Variants in ST6GALNAC3 observed in about 807,000 individuals in gnomAD.
ST6GALNAC3 encodes alpha-N-acetylgalactosaminide alpha-2,6-sialyltransferase 3.
In ST6GALNAC3, 25 loss-of-function variants were observed where a neutral mutation model predicts 32.7. That is an observed-to-expected ratio of 0.76 (90% CI 0.56 to 1.07). ST6GALNAC3 has a LOEUF of 1.07. Ranked by LOEUF, ST6GALNAC3 falls within the 50% of genes least tolerant of loss-of-function variation. The pLI, the probability that ST6GALNAC3 is intolerant of heterozygous loss-of-function variation, is 0.00. For synonymous variants in ST6GALNAC3, 129 were observed against 133.1 expected, an observed-to-expected ratio of 0.97 and a Z score of 0.21; for missense variants, 355 against 382.4, an observed-to-expected ratio of 0.93 and a Z score of 0.60.
chr1:76,625,776 A>C (rs1441777444), intron 3 of ST6GALNAC3, among the ~76,000 whole-genome samples: 1 of 151,838 alleles, frequency 6.6e-6, no homozygotes, highest in African/African-American at 2.4e-5. Flanking sequence ...TTCATTTTGC[A>C]TCTATTGCTG....
At chr1:76,345,326 G>T (rs1032950959) in intron 2 of ST6GALNAC3, among the ~76,000 whole-genome samples, 9 of 152,152 alleles carry the variant, frequency 5.9e-5, no homozygotes, top group Non-Finnish European at 8.8e-5. Context: ...AGGAAGAAAA[G>T]AGAAATCAAG....
intron 1 of ST6GALNAC3, among the ~76,000 whole-genome samples, chr1:76,090,355 A>G (rs778820362): frequency 5.9e-5 from 9 of 152,366 alleles, no homozygotes; most frequent in Non-Finnish European, 1.2e-4. Flanking sequence ...AGTCTCACTG[A>G]TAAGCAGATA....
At chr1:76,572,329 G>C (rs937313600) in intron 3 of ST6GALNAC3, among the ~76,000 whole-genome samples, 3 of 152,040 alleles carry the variant, frequency 2.0e-5, no homozygotes, top group Non-Finnish European at 2.9e-5. Context: ...GACATATTAA[G>C]TGCTATTAAA....
intron 2 of ST6GALNAC3, among the ~76,000 whole-genome samples, chr1:76,322,388 AAAATTGGGGTTCACC>A (rs1381433894): frequency 6.6e-6 from 1 of 152,228 alleles, no homozygotes; most frequent in East Asian, 1.9e-4. Flanking sequence ...AAGAAGTGTT[AAAATTGGGGTTCACC>A]AAAGAAGAGA....
intron 2 of ST6GALNAC3, among the ~76,000 whole-genome samples, chr1:76,332,457 A>T (rs1298408557): frequency 6.6e-6 from 1 of 152,172 alleles, no homozygotes. Context: ...TCAGATTGAG[A>T]TAAGGTACTA....
intron 1 of ST6GALNAC3, among the ~76,000 whole-genome samples, chr1:76,132,203 A>G (rs575656012): frequency 1.3e-5 from 2 of 152,250 alleles, no homozygotes; most frequent in African/African-American, 2.4e-5. Flanking sequence ...CCCTACCCCA[A>G]TCATTCTTTT....
At chr1:76,245,051 T>G (rs560582229) in intron 1 of ST6GALNAC3, among the ~76,000 whole-genome samples, 1 of 152,330 alleles carries the variant, frequency 6.6e-6, no homozygotes, top group East Asian at 1.9e-4. Flanking sequence ...CCTCTGTGGA[T>G]CCATCTGGTC....
chr1:76,357,637 G>C lies in ST6GALNAC3; in HGVS notation c.213+43638G>C, dbSNP rs535728568. Among the ~76,000 whole-genome samples, 4 of 152,242 alleles carry C rather than the reference G, an allele frequency of 2.6e-5. No individual in the cohort carries two copies. In the East Asian group the frequency reaches 7.7e-4, roughly 29 times the overall value. ...ATAACAAACTCTTTTCTGGCATCTG[G>C]TATTATATTTACTATATGTGTGTGC... On this transcript the variant is annotated intron_variant, in intron 2 of 4. Coordinates refer to ENST00000328299, the MANE Select transcript of ST6GALNAC3 (RefSeq NM_152996.4).
chr1:76,568,450 G>T (rs1481721184), intron 3 of ST6GALNAC3, among the ~76,000 whole-genome samples: 1 of 152,122 alleles, frequency 6.6e-6, no homozygotes, highest in East Asian at 1.9e-4. Flanking sequence ...TATGCACTTT[G>T]TTCCTGGCAC....
At chr1:76,312,498 T>C (rs183640844) in intron 1 of ST6GALNAC3, among the ~76,000 whole-genome samples, 3 of 151,942 alleles carry the variant, frequency 2.0e-5, no homozygotes, top group East Asian at 3.9e-4. Flanking sequence ...ACCTACAGAA[T>C]GGTAGAAAAT....
chr1:76,247,277 G>A (rs1657320537), intron 1 of ST6GALNAC3, among the ~76,000 whole-genome samples: 1 of 152,170 alleles, frequency 6.6e-6, no homozygotes, highest in Admixed American at 6.5e-5. Context: ...GAGACACAGG[G>A]GTCAGGGACC....
chr1:76,320,824 G>A (rs1337607996), intron 2 of ST6GALNAC3, among the ~76,000 whole-genome samples: 2 of 151,914 alleles, frequency 1.3e-5, no homozygotes, highest in African/African-American at 4.8e-5. Context: ...CATGCATGCA[G>A]CATATACATG....
At chr1:76,529,807 A>C (rs751742489) in intron 3 of ST6GALNAC3, among the ~76,000 whole-genome samples, 8 of 152,192 alleles carry the variant, frequency 5.3e-5, no homozygotes, top group Non-Finnish European at 1.2e-4. Context: ...TAGTTCTGTG[A>C]CTTTGGGCAA....
chr1:76,100,365 T>G (rs977721396), intron 1 of ST6GALNAC3, among the ~76,000 whole-genome samples: 3 of 152,172 alleles, frequency 2.0e-5, no homozygotes, highest in Non-Finnish European at 4.4e-5. Flanking sequence ...GGAATTTCCC[T>G]TCTATTCCTC....
intron 1 of ST6GALNAC3, among the ~76,000 whole-genome samples, chr1:76,115,236 C>T (rs935104622): frequency 1.3e-5 from 2 of 152,100 alleles, no homozygotes; most frequent in East Asian, 1.9e-4. Flanking sequence ...ATCTGGCTCT[C>T]GGAGCTTAGG....
At chr1:76,275,790 T>C (rs1490590862) in intron 1 of ST6GALNAC3, among the ~76,000 whole-genome samples, 1 of 152,250 alleles carries the variant, frequency 6.6e-6, no homozygotes, top group East Asian at 1.9e-4. Flanking sequence ...TACTGTCTTG[T>C]ATATACTTGT....
intron 3 of ST6GALNAC3, among the ~76,000 whole-genome samples, chr1:76,594,300 C>T (rs1455987545): frequency 6.6e-6 from 1 of 152,040 alleles, no homozygotes; most frequent in Non-Finnish European, 1.5e-5. Context: ...CTTTTATTTC[C>T]ATCTGCAAAA....
chr1:76,122,915 G>A (rs1305112445), intron 1 of ST6GALNAC3, among the ~76,000 whole-genome samples: 1 of 152,210 alleles, frequency 6.6e-6, no homozygotes, highest in Non-Finnish European at 1.5e-5. Flanking sequence ...GGAGCTTGTA[G>A]TCTGCGTCAG....
chr1:76,328,191 G>T (rs1334134265), intron 2 of ST6GALNAC3, among the ~76,000 whole-genome samples: 1 of 152,170 alleles, frequency 6.6e-6, no homozygotes, highest in Admixed American at 6.5e-5. Flanking sequence ...CATCCAATAT[G>T]CTGATACATT....
Sources: allele counts gnomAD v4.1 joint callset (sites outside exome capture counted in the v4.1 genomes callset), GRCh38; gene constraint gnomAD v4.1.1; transcripts MANE v1.5; gene names NCBI Gene and HGNC (gene_info 2026-07-23, HGNC 2026-07-21).